The following TTC28 variants were observed in gnomAD, a reference collection of about 807,000 sequenced individuals.
TTC28 encodes the protein tetratricopeptide repeat protein 28.
In TTC28, 61 loss-of-function variants were observed where a neutral mutation model predicts 198.0. The observed-to-expected ratio is 0.31, with a 90% CI of 0.25 to 0.38. The LOEUF (loss-of-function observed/expected upper bound fraction) is 0.38, where lower values mean the gene tolerates loss of function less well. Ranked by LOEUF, TTC28 falls within the 10% of genes least tolerant of loss-of-function variation. The probability of loss-of-function intolerance (pLI) is 1.00; values close to 1 mark genes in which losing one functional copy is unlikely to be tolerated. For synonymous variants in TTC28, 1,171 were observed against 1,297.8 expected (o/e 0.90, Z 2.10); for missense variants, 2,678 against 3,164.0 (o/e 0.85, Z 3.69).
intron 2 of TTC28, among the ~76,000 whole-genome samples, chr22:28,450,320 A>T (rs1398575679): frequency 2.0e-5 from 3 of 152,164 alleles, no homozygotes; most frequent in Non-Finnish European, 2.9e-5. Flanking sequence ...CACTGCTCAG[A>T]TGGAATGTGA....
At chr22:28,428,001 A>C (rs956182872) in intron 2 of TTC28, among the ~76,000 whole-genome samples, 5 of 152,152 alleles carry the variant, frequency 3.3e-5, no homozygotes, top group Non-Finnish European at 1.5e-5. Context: ...AATCATGTGG[A>C]ATATACTTTA....
chr22:28,017,327 C>T (rs180785915), intron 13 of TTC28, among the ~76,000 whole-genome samples: 155 of 152,356 alleles, frequency 1.0e-3, no homozygotes, highest in Middle Eastern at 6.8e-3. Flanking sequence ...TGTCACTGCC[C>T]GTGATGTGCC....
chr22:28,034,245 G>A (rs1939242909), intron 12 of TTC28, among the ~76,000 whole-genome samples: 1 of 152,172 alleles, frequency 6.6e-6, no homozygotes, highest in Non-Finnish European at 1.5e-5. Context: ...CAGGGCCCAT[G>A]AGCTGGGTGG....
At chr22:28,050,940 C>A (rs1301852730) in intron 12 of TTC28, among the ~76,000 whole-genome samples, 4 of 152,064 alleles carry the variant, frequency 2.6e-5, no homozygotes, top group African/African-American at 9.7e-5. Context: ...TGTGTGGTAG[C>A]TTTATTTATA....
At chr22:28,091,844 T>C (rs1160435284) in intron 12 of TTC28, among the ~76,000 whole-genome samples, 1 of 152,130 alleles carries the variant, frequency 6.6e-6, no homozygotes, top group East Asian at 1.9e-4. Flanking sequence ...TTGTAGTAAA[T>C]GCTTAAATGA....
chr22:28,407,585 G>A (rs2047017911), intron 2 of TTC28, among the ~76,000 whole-genome samples: 1 of 152,152 alleles, frequency 6.6e-6, no homozygotes, highest in Non-Finnish European at 1.5e-5. Flanking sequence ...GTATGGCTTA[G>A]TAATCCACTT....
intron 2 of TTC28, among the ~76,000 whole-genome samples, chr22:28,425,346 A>G (rs955187222): frequency 3.9e-4 from 60 of 152,316 alleles, no homozygotes; most frequent in Middle Eastern, 3.4e-3. Flanking sequence ...ACAAAAACAA[A>G]TATATTCCAA....
At chr22:28,321,565 G>A (rs2045446328) in intron 2 of TTC28, among the ~76,000 whole-genome samples, 1 of 152,114 alleles carries the variant, frequency 6.6e-6, no homozygotes, top group African/African-American at 2.4e-5. Context: ...GTGATTTGGG[G>A]CAAGTTTTGT....
chr22:28,529,501 G>C (rs537218315), intron 2 of TTC28, among the ~76,000 whole-genome samples: 1 of 152,326 alleles, frequency 6.6e-6, no homozygotes, highest in South Asian at 2.1e-4. Flanking sequence ...CTGAACAAAA[G>C]GCAGCAGAAA....
intron 2 of TTC28, among the ~76,000 whole-genome samples, chr22:28,374,345 T>C (rs1238943917): frequency 6.6e-6 from 1 of 152,218 alleles, no homozygotes; most frequent in African/African-American, 2.4e-5. Context: ...TTCATAGATA[T>C]CATGTAAATA....
At chr22:28,398,262 T>C (rs2046847727) in intron 2 of TTC28, among the ~76,000 whole-genome samples, 1 of 151,978 alleles carries the variant, frequency 6.6e-6, no homozygotes, top group Admixed American at 6.6e-5. Context: ...GGCCAGGGCC[T>C]GTGCTCAGGA....
chr22:28,297,198 C>CA (rs2044915622), intron 4 of TTC28, among the ~76,000 whole-genome samples: 2 of 150,886 alleles, frequency 1.3e-5, no homozygotes, highest in South Asian at 4.2e-4. Context: ...GAGGCACTCG[C>CA]TTTTTTTTTC....
In TTC28 at chr22:28,108,041, T is replaced by G; in HGVS notation, c.1804A>C (p.Asn602His). The change falls in exon 7 of 23, where the codon AAT (asparagine) becomes CAT (histidine). Residue 602 changes from asparagine to histidine, a missense_variant. By Grantham distance (68) the Asn-to-His change is moderately conservative. Transcript: ENST00000397906. ...SEARALSNLG[N>H]FHCSRGEYVQ... is the part of the protein sequence containing the mutation. ...TACTCTCCCCGAGAGCAGTGGAAATTGCCCAGGTTGCTGAGGGCCCGGGCC... is the reference window on the plus strand; with the variant it reads ...TACTCTCCCCGAGAGCAGTGGAAATGGCCCAGGTTGCTGAGGGCCCGGGCC... 6.4e-7 allele frequency: 1 copy of G among 1,551,526 alleles called. No individual in the cohort carries two copies. The highest frequency in any genetic ancestry group is 2.4e-5 in the East Asian group (1 of 40,904).
chr22:28,015,727 T>TGGC (rs1938344116), intron 13 of TTC28, among the ~76,000 whole-genome samples: 1 of 152,002 alleles, frequency 6.6e-6, no homozygotes. Flanking sequence ...CACCCCACCA[T>TGGC]CAGTGATCTC....
intron 2 of TTC28, among the ~76,000 whole-genome samples, chr22:28,456,499 G>GT (rs1568955376): frequency 6.6e-6 from 1 of 152,198 alleles, no homozygotes; most frequent in Non-Finnish European, 1.5e-5. Flanking sequence ...TCAAAAGGGT[G>GT]TATGTGGTCA....
intron 2 of TTC28, among the ~76,000 whole-genome samples, chr22:28,495,715 G>A (rs2048445537): frequency 6.6e-6 from 1 of 152,174 alleles, no homozygotes; most frequent in Non-Finnish European, 1.5e-5. Flanking sequence ...TCAAATTGGA[G>A]CAGATCAGAA....
At chr22:28,168,805 A>C (rs528877819) in intron 5 of TTC28, among the ~76,000 whole-genome samples, 13 of 152,366 alleles carry the variant, frequency 8.5e-5, no homozygotes, top group Admixed American at 2.6e-4. Context: ...TGGCAACAAA[A>C]GCCAAAATTG....
chr22:28,528,007 C>A (rs1474751067), intron 2 of TTC28, among the ~76,000 whole-genome samples: 2 of 152,164 alleles, frequency 1.3e-5, no homozygotes, highest in African/African-American at 4.8e-5. Flanking sequence ...ATAAAGCAAA[C>A]AGCCCCATCA....
intron 2 of TTC28, among the ~76,000 whole-genome samples, chr22:28,515,287 C>T (rs1244249854): frequency 6.6e-6 from 1 of 151,918 alleles, no homozygotes; most frequent in Non-Finnish European, 1.5e-5. Flanking sequence ...TATGATCTTC[C>T]AAATAGTAAA....
Sources: gnomAD v4.1 joint callset for allele counts (sites outside exome capture counted in the v4.1 genomes callset) on GRCh38, gnomAD v4.1.1 for gene constraint, MANE v1.5 for transcripts, NCBI Gene and HGNC (gene_info 2026-07-23, HGNC 2026-07-21) for gene names.